Variants in ARSD observed in about 807,000 individuals in gnomAD.
ARSD encodes arylsulfatase D.
A neutral mutation model predicts 32.6 loss-of-function variants in ARSD; 21 were observed. The observed-to-expected ratio is 0.64, with a 90% CI of 0.46 to 0.93. The LOEUF is 0.93. Ranked by LOEUF, ARSD falls within the 40% of genes least tolerant of loss-of-function variation. The probability of loss-of-function intolerance (pLI) is 0.00; values close to 1 mark genes in which losing one functional copy is unlikely to be tolerated. For synonymous variants in ARSD, 224 were observed against 237.4 expected (o/e 0.94, Z 0.52); for missense variants, 454 against 520.9 (o/e 0.87, Z 1.25).
chrX:2,926,849 G>C (rs1056769631), intron 1 of ARSD, among the ~76,000 whole-genome samples: 9 of 110,957 alleles, frequency 8.1e-5, no homozygotes, highest in African/African-American at 2.6e-4. Flanking sequence ...GGCTGTAGTG[G>C]CATGATGGTG....
At chrX:2,910,157 T>C (rs1425221045) in intron 7 of ARSD, among the ~76,000 whole-genome samples, 178 bp from the exon 8 acceptor site, 1 of 111,124 alleles carries the variant, frequency 9.0e-6, no homozygotes, top group Non-Finnish European at 1.9e-5. Context: ...ATCATGCTAC[T>C]CCCTGGCCTC....
At chrX:2,927,195 A>G (rs2089091223) in intron 1 of ARSD, among the ~76,000 whole-genome samples, 1 of 110,024 alleles carries the variant, frequency 9.1e-6, no homozygotes, top group African/African-American at 3.3e-5. Context: ...AAGGCTTTCC[A>G]TGCCGACTTC....
At position 2,920,603 on chromosome X, in the gene ARSD, A is replaced by G. The variant is rs1355990414; in HGVS notation, c.437T>C (p.Ile146Thr). 1.2e-5 allele frequency: 15 copies of G among 1,211,327 alleles called. No homozygotes were observed. The highest frequency in any genetic ancestry group is 1.7e-5 in the Non-Finnish European group (15 of 895,349). ...GTGAGGCTCCCACATATCCACACCT[A>G]TGAGGCCGGTTGCATAGCCATGCTG... The part of the protein sequence containing the change: ...LQQHGYATGL[I>T]GKWHQGVNCA... The change falls in exon 4 of 10, where the codon ATA becomes ACA. Residue 146 changes from isoleucine (I) to threonine (T), a missense_variant and splice_region_variant. Ile to Thr is a moderately conservative substitution (Grantham distance 89, BLOSUM62 -1). Transcript: ENST00000381154.
chrX:2,927,912 G>C (rs2089101084), intron 1 of ARSD, among the ~76,000 whole-genome samples: 1 of 111,750 alleles, frequency 8.9e-6, no homozygotes, highest in African/African-American at 3.3e-5. Context: ...ACTTCTAGGG[G>C]GTATTTGGAC....
rs1198973158 is a variant in ARSD, at chrX:2,906,760, G to C, written c.*511C>G. ...ATGACGAACCCTGAGATTTAGAAGAGGAAGAGGAGGCATCAGTGGGTGCCT... is the reference window on the plus strand; with the variant it reads ...ATGACGAACCCTGAGATTTAGAAGACGAAGAGGAGGCATCAGTGGGTGCCT... On this transcript the variant is annotated 3_prime_UTR_variant, in exon 10 of 10. Transcript: ENST00000381154. 7 of 112,933 alleles carry C rather than the reference G, an allele frequency of 6.2e-5. No homozygotes were observed. The highest frequency in any genetic ancestry group is 5.6e-4 in the Admixed American group (6 of 10,732). The allele number at this position is 112,933 out of a possible 1,213,427, so 9.3% of individuals were successfully genotyped here.
At chrX:2,918,648 G>C (rs2147321934) in intron 4 of ARSD, among the ~76,000 whole-genome samples, 1 of 111,556 alleles carries the variant, frequency 9.0e-6, no homozygotes, top group East Asian at 2.8e-4. Flanking sequence ...GCTGAGGCAG[G>C]AGAATGGCGT....
intron 6 of ARSD, chrX:2,914,426 G>A (rs1224080229): frequency 5.9e-6 from 3 of 506,328 alleles, no homozygotes; most frequent in East Asian, 1.2e-4. Context: ...GATGGGGGGG[G>A]GGGGCGTCTC....
intron 1 of ARSD, 121 bp from the exon 2 acceptor site, chrX:2,925,886 T>A: frequency 1.4e-6 from 1 of 722,401 alleles, no homozygotes; most frequent in South Asian, 2.8e-5. Context: ...TTCAGCTTTA[T>A]GGGAGGTTAT....
chrX:2,926,738 C>T (rs2089085946), intron 1 of ARSD, among the ~76,000 whole-genome samples: 1 of 112,194 alleles, frequency 8.9e-6, no homozygotes, highest in Admixed American at 9.5e-5. Context: ...ACAAAGTCTC[C>T]CGTGCTTTAA....
chrX:2,920,626 C>G lies in ARSD; in HGVS notation c.414G>C (p.Gln138His). Residue 138 changes from glutamine (Q) to histidine (H), a missense_variant, in exon 4 of 10, where the codon CAG (glutamine) becomes CAC (histidine). Physicochemically the swap from Gln to His is conservative, Grantham distance 24 (BLOSUM62 0). Around this residue, in one of 3 missense-constraint regions of ARSD, gnomAD observed 271 missense variants for 301.0 expected, o/e 0.90. Transcript: ENST00000381154. The part of the protein sequence containing the change: ...NETTFARILQ[Q>H]HGYATGLIGK... The stretch of plus-strand genomic sequence containing the variant: ...CTATGAGGCCGGTTGCATAGCCATG[C>G]TGCTGCAAGATTCTTGCAAAAGTGG... The G allele has an allele frequency of 8.3e-7, 1 of 1,212,037 alleles. No individual in the cohort carries two copies. The highest frequency in any genetic ancestry group is 1.1e-6 in the Non-Finnish European group (1 of 895,565).
At chrX:2,913,908 G>A (rs149549620) in intron 6 of ARSD, 2 of 310,653 alleles carry the variant, frequency 6.4e-6, no homozygotes, top group Admixed American at 1.5e-4. Flanking sequence ...ACGAGATCTG[G>A]TTGTTTAAAA....
chrX:2,908,262 T>C (rs1278308846), intron 9 of ARSD, among the ~76,000 whole-genome samples: 1 of 110,575 alleles, frequency 9.0e-6, no homozygotes, highest in Non-Finnish European at 1.9e-5. Context: ...ATCTATCTTA[T>C]CTATCCATCA....
intron 6 of ARSD, chrX:2,914,429 G>A (rs776333204): frequency 5.5e-5 from 27 of 486,790 alleles, no homozygotes; most frequent in South Asian, 5.3e-4. Context: ...GGGGGGGGGG[G>A]GCGTCTCACT....
At chrX:2,907,970 C>T (rs1569085251) in intron 9 of ARSD, 1 of 830,843 alleles carries the variant, frequency 1.2e-6, no homozygotes, top group South Asian at 6.4e-5. Flanking sequence ...TGTTCAGCGT[C>T]GATCTACTAC....
chrX:2,909,980 C>T lies in ARSD; in HGVS notation c.1136-1G>A. 8.3e-7 allele frequency: 1 copy of T among 1,210,713 alleles called. No individual in the cohort carries two copies. On this transcript the variant is annotated splice_acceptor_variant, in intron 7 of 9. Transcript: ENST00000381154. LOFTEE classifies it high-confidence loss of function. ...TCCCATCCTCCCATGCCCTTCCCAC[C>T]TGTAAGTAGAAGACATCGTTAGGAT... is the stretch of plus-strand genomic sequence containing the variant.
At chrX:2,907,932 A>T in intron 9 of ARSD, 7 of 881,976 alleles carry the variant, frequency 7.9e-6, no homozygotes, top group Non-Finnish European at 8.3e-6. Flanking sequence ...AGGTTCCTTA[A>T]TTCTTCCCCT....
At position 2,929,270 on chromosome X, in the gene ARSD, T is replaced by C; in HGVS notation, c.6A>G (p.Arg2=). Residue 2 remains arginine (R), a synonymous_variant, in exon 1 of 10, where the codon CGA becomes CGG. Coordinates refer to ENST00000381154, the MANE Select transcript of ARSD (RefSeq NM_001669.4). The part of the protein sequence containing the change: M[R]SAARRGRAAP... ...CGGCGCGTCCCCTCCGCGCGGCGGA[T>C]CGCATGGCCGAGCGCTGGCCCAGAG... 2 of 1,018,531 alleles carry C rather than the reference T, an allele frequency of 2.0e-6. No homozygotes were observed. Among genetic ancestry groups the C allele is most frequent in the Non-Finnish European group, 2.5e-6 (2 of 807,138 alleles). The allele number at this position is 1,018,531 out of a possible 1,213,427, so 83.9% of individuals were successfully genotyped here.
At chrX:2,917,565 C>T (rs73632971) in intron 5 of ARSD, among the ~76,000 whole-genome samples, 4 of 110,645 alleles carry the variant, frequency 3.6e-5, no homozygotes, top group East Asian at 5.7e-4. Context: ...CCTCGACATC[C>T]GAGGCTGAAG....
chrX:2,914,427 G>C (rs1268934946), intron 6 of ARSD: 37 of 497,607 alleles, frequency 7.4e-5, no homozygotes, highest in Non-Finnish European at 9.0e-5. Flanking sequence ...ATGGGGGGGG[G>C]GGGCGTCTCA....
Sources: allele counts gnomAD v4.1 joint callset (sites outside exome capture counted in the v4.1 genomes callset), GRCh38; gene constraint gnomAD v4.1.1; regional missense constraint gnomAD v4.1.1; transcripts MANE v1.5; gene names NCBI Gene and HGNC (gene_info 2026-07-23, HGNC 2026-07-21).